LRRTM4: variants seen among roughly 807,000 people sequenced by gnomAD.
The protein encoded by LRRTM4 is leucine-rich repeat transmembrane neuronal protein 4.
In LRRTM4, 25 loss-of-function variants were observed where a neutral mutation model predicts 47.6. The ratio of observed to expected loss-of-function variants is 0.53; its 90% CI spans 0.38 to 0.73. The LOEUF (loss-of-function observed/expected upper bound fraction) is 0.73, where lower values mean the gene tolerates loss of function less well. Among genes scored for constraint, LRRTM4 ranks in the 30% least tolerant of loss-of-function variants. The pLI, the probability that LRRTM4 is intolerant of heterozygous loss-of-function variation, is 0.00. For synonymous variants in LRRTM4, 311 were observed against 269.5 expected (o/e 1.15, Z -1.51); for missense variants, 638 against 713.4 (o/e 0.89, Z 1.20).
At chr2:76,878,749 T>C (rs1672845888) in intron 3 of LRRTM4, among the ~76,000 whole-genome samples, 1 of 151,824 alleles carries the variant, frequency 6.6e-6, no homozygotes, top group African/African-American at 2.4e-5. Flanking sequence ...TGGTGGGTGC[T>C]TGGAATCCCA....
chr2:77,151,921 A>G (rs914420931), intron 3 of LRRTM4, among the ~76,000 whole-genome samples: 1 of 152,014 alleles, frequency 6.6e-6, no homozygotes, highest in Admixed American at 6.5e-5. Context: ...AGAAATTTAC[A>G]GCATAATGTC....
chr2:77,161,130 ATAGT>A (rs1461591186), intron 3 of LRRTM4, among the ~76,000 whole-genome samples: 2 of 152,202 alleles, frequency 1.3e-5, no homozygotes, highest in African/African-American at 2.4e-5. Context: ...AGCTATAGGC[ATAGT>A]TAAACGATAA....
chr2:77,122,231 A>G (rs952022935), intron 3 of LRRTM4, among the ~76,000 whole-genome samples: 1 of 151,730 alleles, frequency 6.6e-6, no homozygotes, highest in Non-Finnish European at 1.5e-5. Flanking sequence ...GTTTAAATCT[A>G]ATACTATATG....
chr2:76,895,869 TCTTTTC>T (rs952332238), intron 3 of LRRTM4, among the ~76,000 whole-genome samples: 2 of 152,046 alleles, frequency 1.3e-5, no homozygotes, highest in African/African-American at 4.8e-5. Context: ...TTAATCTTCT[TCTTTTC>T]TTTTTCTCTT....
intron 3 of LRRTM4, among the ~76,000 whole-genome samples, chr2:77,165,237 C>T (rs1258140354): frequency 1.3e-5 from 2 of 152,126 alleles, no homozygotes; most frequent in East Asian, 3.9e-4. Context: ...TTCCTGGACA[C>T]ACACACCCTC....
chr2:77,018,057 T>C (rs1420164596), intron 3 of LRRTM4, among the ~76,000 whole-genome samples: 2 of 151,966 alleles, frequency 1.3e-5, no homozygotes, highest in African/African-American at 4.8e-5. Flanking sequence ...CTTCTTTTTA[T>C]AGCTTTGGTA....
At chr2:77,015,353 T>G (rs1166063338) in intron 3 of LRRTM4, among the ~76,000 whole-genome samples, 1 of 152,160 alleles carries the variant, frequency 6.6e-6, no homozygotes, top group Non-Finnish European at 1.5e-5. Flanking sequence ...TATCTTTTTT[T>G]TGAGACAGAG....
intron 3 of LRRTM4, among the ~76,000 whole-genome samples, chr2:76,859,458 TG>T (rs1036868200): frequency 3.1e-4 from 47 of 152,238 alleles, no homozygotes; most frequent in African/African-American, 1.1e-3. Context: ...TGCTTTTGAA[TG>T]GAAAAATGAT....
chr2:77,477,879 A>C (rs868295635), intron 3 of LRRTM4, among the ~76,000 whole-genome samples: 5 of 140,712 alleles, frequency 3.6e-5, no homozygotes, highest in Non-Finnish European at 6.1e-5. Flanking sequence ...GAAAGAAAGA[A>C]AGAGAAAGAA....
At chr2:77,463,513 A>G (rs1021879748) in intron 3 of LRRTM4, among the ~76,000 whole-genome samples, 7 of 152,112 alleles carry the variant, frequency 4.6e-5, no homozygotes, top group African/African-American at 1.7e-4. Context: ...ACACAACTCT[A>G]TGGAACATAT....
At chr2:76,778,113 C>G (rs1266183693) in intron 3 of LRRTM4, among the ~76,000 whole-genome samples, 1 of 146,278 alleles carries the variant, frequency 6.8e-6, no homozygotes, top group African/African-American at 2.5e-5. Flanking sequence ...ATGAAGCCCA[C>G]TTGATCATGG....
At chr2:77,517,794 A>G (rs1679272139) in intron 3 of LRRTM4, 9 of 985,646 alleles carry the variant, frequency 9.1e-6, no homozygotes, top group Non-Finnish European at 1.1e-5. Flanking sequence ...GGCAAGTAAC[A>G]TGGGTGTGAG....
chr2:76,865,054 G>A (rs1294384851), intron 3 of LRRTM4, among the ~76,000 whole-genome samples: 1 of 151,918 alleles, frequency 6.6e-6, no homozygotes. Flanking sequence ...AACCATTACT[G>A]TGGTCCTGAA....
chr2:76,986,554 C>T (rs916701129), intron 3 of LRRTM4, among the ~76,000 whole-genome samples: 3 of 151,812 alleles, frequency 2.0e-5, no homozygotes, highest in African/African-American at 7.3e-5. Context: ...CTAATCTGAA[C>T]ATTTTGGGGG....
chr2:77,446,725 G>A (rs1417337124), intron 3 of LRRTM4, among the ~76,000 whole-genome samples: 1 of 152,008 alleles, frequency 6.6e-6, no homozygotes, highest in East Asian at 1.9e-4. Context: ...TATGGATACT[G>A]TAAAATCATG....
intron 3 of LRRTM4, among the ~76,000 whole-genome samples, chr2:76,994,204 G>A (rs989899983): frequency 2.0e-5 from 3 of 151,666 alleles, no homozygotes; most frequent in Admixed American, 6.6e-5. Context: ...TATCCCAAAC[G>A]TCAGTATCAT....
At chr2:76,752,261 G>A (rs1672875809) in intron 3 of LRRTM4, among the ~76,000 whole-genome samples, 1 of 152,132 alleles carries the variant, frequency 6.6e-6, no homozygotes, top group Non-Finnish European at 1.5e-5. Flanking sequence ...TTTACTTAAA[G>A]CCTTTTAATT....
chr2:76,956,708 G>GA (rs1202431704), intron 3 of LRRTM4, among the ~76,000 whole-genome samples: 1 of 149,756 alleles, frequency 6.7e-6, no homozygotes, highest in African/African-American at 2.4e-5. Context: ...AGGAAACTAA[G>GA]AAAAAAAGAG....
chr2:77,466,419 C>T (rs944528133), intron 3 of LRRTM4, among the ~76,000 whole-genome samples: 2 of 152,112 alleles, frequency 1.3e-5, no homozygotes, highest in Non-Finnish European at 2.9e-5. Flanking sequence ...GGTTAATGTT[C>T]TGAGAGAGAT....
Sources: gnomAD v4.1 joint callset for allele counts (sites outside exome capture counted in the v4.1 genomes callset) on GRCh38, gnomAD v4.1.1 for gene constraint, MANE v1.5 for transcripts, NCBI Gene and HGNC (gene_info 2026-07-23, HGNC 2026-07-21) for gene names.